IGSF21: variants seen among roughly 807,000 people sequenced by gnomAD.
IGSF21 encodes immunoglobulin superfamily member 21.
In IGSF21, 28 loss-of-function variants were observed where a neutral mutation model predicts 46.8. That is an observed-to-expected ratio of 0.60 (90% confidence interval 0.44 to 0.82). The LOEUF (loss-of-function observed/expected upper bound fraction) is 0.82, where lower values mean the gene tolerates loss of function less well. IGSF21 is among the 40% of genes least tolerant of loss of function. The pLI is 0.00. For missense variants in IGSF21, 624 were observed against 665.5 expected (o/e 0.94, Z 0.69); for synonymous variants, 284 against 273.6 (o/e 1.04, Z -0.38).
intron 1 of IGSF21, among the ~76,000 whole-genome samples, chr1:18,144,191 G>A (rs2086444645): frequency 6.6e-6 from 1 of 152,156 alleles, no homozygotes; most frequent in Non-Finnish European, 1.5e-5. Flanking sequence ...GCCAGCAGGA[G>A]CCTCTGCTCC....
chr1:18,177,283 CA>C (rs1379403619), intron 1 of IGSF21, among the ~76,000 whole-genome samples: 1 of 50,542 alleles, frequency 2.0e-5, no homozygotes, highest in African/African-American at 7.5e-5. Context: ...GCAGGTGGTC[CA>C]GGGTCCAAGG....
At chr1:18,187,788 T>TG (rs1006149789) in intron 1 of IGSF21, among the ~76,000 whole-genome samples, 7 of 151,756 alleles carry the variant, frequency 4.6e-5, no homozygotes, top group East Asian at 3.9e-4. Flanking sequence ...GAATTTTTTC[T>TG]GGGGGGGTGG....
chr1:18,307,264 C>A (rs1259696807), intron 3 of IGSF21, among the ~76,000 whole-genome samples: 2 of 152,072 alleles, frequency 1.3e-5, no homozygotes, highest in African/African-American at 4.8e-5. Flanking sequence ...CAGGGGCTTT[C>A]GAACACTTTA....
At chr1:18,172,317 G>A (rs1005870833) in intron 1 of IGSF21, among the ~76,000 whole-genome samples, 2 of 152,216 alleles carry the variant, frequency 1.3e-5, no homozygotes, top group African/African-American at 4.8e-5. Context: ...AGGCACTTAT[G>A]TACATATTAC....
At position 18,108,153 on chromosome 1, in the gene IGSF21, C is replaced by T; in HGVS notation, c.25C>T (p.Arg9Cys). The T allele has an allele frequency of 6.9e-7, 1 of 1,445,186 alleles. No individual in the cohort carries two copies. Among genetic ancestry groups the T allele is most frequent in the Non-Finnish European group, 9.1e-7 (1 of 1,101,694 alleles). 89.5% of individuals were successfully genotyped at this position (1,445,186 alleles called of 1,614,324 possible). Reference sequence around the variant, plus strand: ...CATGCGAACCGCCCCGAGCCTCCGCCGCTGCGTCTGCCTGCTGCTCGCCGC... The same window carrying T: ...CATGCGAACCGCCCCGAGCCTCCGCTGCTGCGTCTGCCTGCTGCTCGCCGC... MRTAPSLR[R>C]CVCLLLAAIL... The change falls in exon 1 of 10, where the codon CGC becomes TGC. Residue 9 changes from arginine (R) to cysteine (C), a missense_variant. Transcript: ENST00000251296.
At chr1:18,373,181 C>T (rs2086246188) in intron 6 of IGSF21, among the ~76,000 whole-genome samples, 1 of 152,160 alleles carries the variant, frequency 6.6e-6, no homozygotes, top group African/African-American at 2.4e-5. Flanking sequence ...AAAACTGAAG[C>T]CCAACAAGTT....
At chr1:18,274,987 A>G (rs2085085445) in intron 2 of IGSF21, among the ~76,000 whole-genome samples, 2 of 152,176 alleles carry the variant, frequency 1.3e-5, no homozygotes, top group Admixed American at 6.5e-5. Context: ...AAATCGCGCC[A>G]CTGCACTCCA....
At position 18,376,942 on chromosome 1, in the gene IGSF21, C is replaced by T. The variant is rs1248146212; in HGVS notation, c.1244C>T (p.Ala415Val). The T allele has an allele frequency of 1.2e-6, 2 of 1,607,812 alleles. No homozygotes were observed. The change falls in exon 8 of 10, where the codon GCC becomes GTC. Residue 415 changes from alanine to valine, a missense_variant. Transcript: ENST00000251296. The part of the protein sequence containing the change: ...ELNGSMYRCT[A>V]QNPLGSTDTH... ...AATGGCTCCATGTATCGCTGCACCGCCCAGAACCCACTGGGCTCCACCGAC... is the reference window on the plus strand; with the variant it reads ...AATGGCTCCATGTATCGCTGCACCGTCCAGAACCCACTGGGCTCCACCGAC...
At chr1:18,306,059 T>A (rs901034391) in intron 3 of IGSF21, among the ~76,000 whole-genome samples, 2 of 152,092 alleles carry the variant, frequency 1.3e-5, no homozygotes, top group Non-Finnish European at 2.9e-5. Flanking sequence ...GCAGCCAGAG[T>A]GAGCTTTCTA....
At chr1:18,245,764 T>G (rs1448970393) in intron 2 of IGSF21, among the ~76,000 whole-genome samples, 1 of 152,112 alleles carries the variant, frequency 6.6e-6, no homozygotes, top group Non-Finnish European at 1.5e-5. Flanking sequence ...CTTGGCAGGG[T>G]GGGTGGTTGG....
chr1:18,144,162 T>A (rs2086444349), intron 1 of IGSF21, among the ~76,000 whole-genome samples: 1 of 152,242 alleles, frequency 6.6e-6, no homozygotes, highest in East Asian at 1.9e-4. Flanking sequence ...GGAGGAGGCA[T>A]GCAGAGGAAG....
chr1:18,122,023 C>A (rs1291584606), intron 1 of IGSF21, among the ~76,000 whole-genome samples: 1 of 152,172 alleles, frequency 6.6e-6, no homozygotes, highest in East Asian at 1.9e-4. Flanking sequence ...TCTCATTTGC[C>A]TGGGCGGTAG....
intron 1 of IGSF21, among the ~76,000 whole-genome samples, chr1:18,196,424 T>G (rs185607780): frequency 6.6e-6 from 1 of 152,146 alleles, no homozygotes; most frequent in African/African-American, 2.4e-5. Flanking sequence ...GCAGGGCGCG[T>G]CTGCAGAATC....
chr1:18,225,085 T>TCTCTCTCACACACACA, intron 1 of IGSF21, among the ~76,000 whole-genome samples: 77 of 51,608 alleles, frequency 1.5e-3, no homozygotes, highest in African/African-American at 4.0e-3. Flanking sequence ...TCTCTCTCTC[T>TCTCTCTCACACACACA]CACACACACA....
At chr1:18,115,900 AGAAG>A (rs1456940491) in intron 1 of IGSF21, 2 of 84,170 alleles carry the variant, frequency 2.4e-5, no homozygotes, top group African/African-American at 3.9e-5. Flanking sequence ...AAAGAAAGAA[AGAAG>A]GAGAGGGAGG....
intron 1 of IGSF21, among the ~76,000 whole-genome samples, chr1:18,225,510 C>T (rs550872148): frequency 6.6e-6 from 1 of 152,294 alleles, no homozygotes; most frequent in East Asian, 1.9e-4. Flanking sequence ...CTGCACCCAC[C>T]TCGGGCTGCT....
At chr1:18,373,699 G>A (rs2086251428) in intron 6 of IGSF21, among the ~76,000 whole-genome samples, 1 of 152,046 alleles carries the variant, frequency 6.6e-6, no homozygotes. Flanking sequence ...TCCACCCTTG[G>A]GCTCTGAGAC....
intron 4 of IGSF21, among the ~76,000 whole-genome samples, chr1:18,343,354 T>C (rs1222086974): frequency 2.0e-5 from 3 of 152,230 alleles, no homozygotes; most frequent in Admixed American, 2.0e-4. Context: ...AAGTCCCTTA[T>C]CAGGTGTATC....
At chr1:18,359,363 AAAGAAAGAAAGAAAGAAAGAAAGGAAGG>A (rs1173336876) in intron 4 of IGSF21, among the ~76,000 whole-genome samples, 1,043 of 89,938 alleles carry the variant, frequency 0.012, 26 homozygotes, top group South Asian at 0.019. Flanking sequence ...AGAAAGAAAG[AAAGAAAGAAAGAAAGAAAGAAAGGAAGG>A]AAGGAAGGAA....
Sources: gnomAD v4.1 joint callset for allele counts (sites outside exome capture counted in the v4.1 genomes callset) on GRCh38, gnomAD v4.1.1 for gene constraint, MANE v1.5 for transcripts, NCBI Gene and HGNC (gene_info 2026-07-23, HGNC 2026-07-21) for gene names.